Variants in TTC17 observed in about 807,000 individuals in gnomAD.
The protein encoded by TTC17 is tetratricopeptide repeat protein 17.
In TTC17, 58 loss-of-function variants were observed where a neutral mutation model predicts 143.8. The observed-to-expected ratio is 0.40, with a 90% CI of 0.33 to 0.50. The LOEUF (loss-of-function observed/expected upper bound fraction) is 0.50. Ranked by LOEUF, TTC17 falls within the 20% of genes least tolerant of loss-of-function variation. The pLI is 0.49. For missense variants in TTC17, 1,273 were observed against 1,392.5 expected, an observed-to-expected ratio of 0.91 and a Z score of 1.37; for synonymous variants, 501 against 497.8, an observed-to-expected ratio of 1.01 and a Z score of -0.09.
chr11:43,365,842 T>C (rs1856315490), intron 1 of TTC17, among the ~76,000 whole-genome samples: 1 of 152,208 alleles, frequency 6.6e-6, no homozygotes, highest in Non-Finnish European at 1.5e-5. Context: ...AATTCAGTTT[T>C]AGATATTGCC....
At position 43,414,717 on chromosome 11, in the gene TTC17, T is replaced by G. The variant is rs1182058060; in HGVS notation, c.2192T>G (p.Leu731Trp). 1.2e-6 allele frequency: 2 copies of G among 1,613,802 alleles called. No individual in the cohort carries two copies. Among genetic ancestry groups the G allele is most frequent in the South Asian group, 1.1e-5 (1 of 91,044 alleles). Residue 731 changes from leucine (L) to tryptophan (W), a missense_variant, in exon 16 of 24, where the codon TTG (leucine) becomes TGG (tryptophan). Leu to Trp is a moderately conservative substitution (Grantham distance 61). Coordinates refer to ENST00000039989, the MANE Select transcript of TTC17 (RefSeq NM_018259.6). ...CCAGAGTGTGAAAACAGCCTGAAGT[T>G]GATCCGCTGTATGCAGTTTTATCCT... ...KCPECENSLK[L>W]IRCMQFYPFL...
At chr11:43,420,408 A>AAG (rs1285896623) in intron 16 of TTC17, among the ~76,000 whole-genome samples, 1 of 152,212 alleles carries the variant, frequency 6.6e-6, no homozygotes, top group Non-Finnish European at 1.5e-5. Flanking sequence ...TTCTACGTAA[A>AAG]ACATGGATGT....
intron 2 of TTC17, among the ~76,000 whole-genome samples, chr11:43,385,430 AAC>A (rs772347746): frequency 6.6e-6 from 1 of 152,198 alleles, no homozygotes; most frequent in Non-Finnish European, 1.5e-5. Context: ...AAAGAGAGAA[AAC>A]ACAAATTTTT....
intron 16 of TTC17, among the ~76,000 whole-genome samples, chr11:43,427,997 C>T (rs945982249): frequency 6.6e-6 from 1 of 152,054 alleles, no homozygotes; most frequent in African/African-American, 2.4e-5. Flanking sequence ...AGGAAACCCC[C>T]CTCAATATAC....
intron 21 of TTC17, among the ~76,000 whole-genome samples, chr11:43,474,339 A>G (rs542842932): frequency 6.6e-6 from 1 of 152,250 alleles, no homozygotes; most frequent in Non-Finnish European, 1.5e-5. Context: ...AAGAGTGGAT[A>G]TATGTAGAGA....
At chr11:43,425,246 G>T (rs528352601) in intron 16 of TTC17, among the ~76,000 whole-genome samples, 2 of 152,200 alleles carry the variant, frequency 1.3e-5, no homozygotes, top group South Asian at 2.1e-4. Flanking sequence ...TGGAGACCAG[G>T]ACTACGAAGC....
intron 2 of TTC17, among the ~76,000 whole-genome samples, chr11:43,389,284 G>A (rs1280367943): frequency 6.6e-6 from 1 of 152,178 alleles, no homozygotes; most frequent in South Asian, 2.1e-4. Context: ...GAATACCCAG[G>A]TACCAATAGC....
chr11:43,358,966 A>C lies in TTC17; in HGVS notation c.12A>C (p.Ala4=). 3 of 1,577,642 alleles carry C rather than the reference A, an allele frequency of 1.9e-6. No homozygotes were observed. Among genetic ancestry groups the C allele is most frequent in the South Asian group, 1.1e-5 (1 of 87,800 alleles). ...GCCGGGGGGGCAAGATGGCGGCGGC[A>C]GTAGGGGTTCGTGGCCGGTACGAGC... MAA[A]VGVRGRYELP... Residue 4 remains alanine, a synonymous_variant, in exon 1 of 24, where the codon GCA becomes GCC. Transcript: ENST00000039989.
At chr11:43,364,204 GCAC>G (rs907450336) in intron 1 of TTC17, among the ~76,000 whole-genome samples, 7 of 151,854 alleles carry the variant, frequency 4.6e-5, no homozygotes, top group Non-Finnish European at 1.0e-4. Flanking sequence ...CTACAGGTGT[GCAC>G]CACCACACCT....
chr11:43,365,719 C>G (rs1173254688), intron 1 of TTC17, among the ~76,000 whole-genome samples: 2 of 152,178 alleles, frequency 1.3e-5, no homozygotes, highest in Non-Finnish European at 2.9e-5. Flanking sequence ...ATGCAGATTT[C>G]CAAGACACCC....
chr11:43,365,059 C>T (rs1318114791), intron 1 of TTC17, among the ~76,000 whole-genome samples: 1 of 152,154 alleles, frequency 6.6e-6, no homozygotes, highest in Non-Finnish European at 1.5e-5. Flanking sequence ...CCTCGGCCTC[C>T]CAAAGTGCTG....
At chr11:43,433,193 G>T (rs1947199458) in intron 16 of TTC17, among the ~76,000 whole-genome samples, 1 of 152,134 alleles carries the variant, frequency 6.6e-6, no homozygotes, top group South Asian at 2.1e-4. Flanking sequence ...TAGAGACAGG[G>T]TTTCACCATG....
chr11:43,430,987 A>C (rs1947145270), intron 16 of TTC17, among the ~76,000 whole-genome samples: 1 of 151,856 alleles, frequency 6.6e-6, no homozygotes, highest in Admixed American at 6.6e-5. Context: ...ATGTGTTCTC[A>C]TTGTTCAGCT....
At chr11:43,479,575 T>A (rs1031629374) in intron 21 of TTC17, among the ~76,000 whole-genome samples, 8 of 152,186 alleles carry the variant, frequency 5.3e-5, no homozygotes, top group Admixed American at 2.0e-4. Context: ...AATCCATACC[T>A]ACATACATTA....
At chr11:43,369,962 C>T (rs1461044126) in intron 1 of TTC17, 2 of 412,156 alleles carry the variant, frequency 4.9e-6, no homozygotes, top group Non-Finnish European at 4.8e-6. Context: ...TTCAAAAAGT[C>T]ATAATTAACA....
At chr11:43,488,822 T>G (rs1027429469) in intron 21 of TTC17, among the ~76,000 whole-genome samples, 1 of 152,180 alleles carries the variant, frequency 6.6e-6, no homozygotes, top group Non-Finnish European at 1.5e-5. Context: ...TGCCTCAGCC[T>G]CCTAAGTAGT....
At chr11:43,459,087 G>C (rs1436247091) in intron 21 of TTC17, among the ~76,000 whole-genome samples, 2 of 152,150 alleles carry the variant, frequency 1.3e-5, no homozygotes, top group African/African-American at 4.8e-5. Context: ...CTCAGATACA[G>C]CTTCTCTTCA....
chr11:43,416,198 C>T (rs1027529391), intron 16 of TTC17, among the ~76,000 whole-genome samples: 1 of 152,014 alleles, frequency 6.6e-6, no homozygotes, highest in Admixed American at 6.6e-5. Flanking sequence ...TCTACTGCAT[C>T]TTCTCGCAAC....
At chr11:43,389,585 T>G (rs1012394526) in intron 2 of TTC17, 67 bp from the exon 3 acceptor site, 1 of 1,456,192 alleles carries the variant, frequency 6.9e-7, no homozygotes, top group South Asian at 1.5e-5. Flanking sequence ...GATTCCCCTT[T>G]CTCTTCAATG....
Sources: allele counts gnomAD v4.1 joint callset (sites outside exome capture counted in the v4.1 genomes callset), GRCh38; gene constraint gnomAD v4.1.1; transcripts MANE v1.5; gene names NCBI Gene and HGNC (gene_info 2026-07-23, HGNC 2026-07-21).